PHACTR1: variants seen among roughly 807,000 people sequenced by gnomAD.
PHACTR1 encodes the protein phosphatase and actin regulator 1.
PHACTR1 carries 16 observed loss-of-function variants against 69.2 expected under a neutral mutation model. The ratio of observed to expected loss-of-function variants is 0.23; its 90% CI spans 0.16 to 0.35. PHACTR1 has a LOEUF of 0.35. Among genes scored for constraint, PHACTR1 ranks in the 10% least tolerant of loss-of-function variants. PHACTR1 has a pLI of 1.00. For synonymous variants in PHACTR1, 312 were observed against 284.5 expected (o/e 1.10, Z -0.97); for missense variants, 510 against 734.7 (o/e 0.69, Z 3.54).
chr6:13,017,125 G>A (rs1490683242), intron 4 of PHACTR1, among the ~76,000 whole-genome samples: 1 of 144,082 alleles, frequency 6.9e-6, no homozygotes, highest in Non-Finnish European at 1.5e-5. Flanking sequence ...GGTGGAGGTT[G>A]CAGTGAGCCA....
chr6:13,226,765 G>T (rs145227671), intron 8 of PHACTR1, among the ~76,000 whole-genome samples: 1 of 146,788 alleles, frequency 6.8e-6, no homozygotes, highest in East Asian at 2.0e-4. Context: ...TTGAGATGGA[G>T]TCTCGCTCTG....
rs528264268 is a variant in PHACTR1 at position 12,717,687 on chromosome 6, G to A, written c.-103G>A. ...ATTTAGCAAGATCAAAGACACTCTG[G>A]CTGGAACGGCTCTTGTTTTACCGCT... On this transcript the variant is annotated 5_prime_UTR_variant, in exon 2 of 15. Transcript: ENST00000332995. 6.6e-6 allele frequency: 1 copy of A among 152,124 alleles called. No homozygotes were observed. Among genetic ancestry groups the A allele is most frequent in the Non-Finnish European group, 1.5e-5 (1 of 68,036 alleles). The allele number at this position is 152,124 out of a possible 1,614,324, so 9.4% of individuals were successfully genotyped here. A position where few individuals can be genotyped will look rare whatever the true frequency, so the allele number is the denominator to read the frequency against.
intron 4 of PHACTR1, among the ~76,000 whole-genome samples, chr6:12,902,429 T>C (rs909336464): frequency 1.2e-4 from 18 of 152,164 alleles, no homozygotes; most frequent in African/African-American, 4.3e-4. Context: ...TCTCCAAAAA[T>C]AAAGAACCTA....
At chr6:12,819,088 T>C (rs1014394393) in intron 4 of PHACTR1, among the ~76,000 whole-genome samples, 1 of 152,204 alleles carries the variant, frequency 6.6e-6, no homozygotes. Flanking sequence ...CCATGAACAC[T>C]GGGCATTCCA....
At chr6:12,783,379 T>A (rs1771075911) in intron 4 of PHACTR1, among the ~76,000 whole-genome samples, 1 of 152,218 alleles carries the variant, frequency 6.6e-6, no homozygotes, top group African/African-American at 2.4e-5. Context: ...TGGTTCAAAG[T>A]ATAATAACAA....
At chr6:12,776,460 T>G (rs561431731) in intron 4 of PHACTR1, among the ~76,000 whole-genome samples, 1 of 152,322 alleles carries the variant, frequency 6.6e-6, no homozygotes, top group Admixed American at 6.5e-5. Flanking sequence ...CTGTCCCTGG[T>G]GATCTGAATG....
intron 4 of PHACTR1, among the ~76,000 whole-genome samples, chr6:12,799,127 A>G (rs1773420938): frequency 6.6e-6 from 1 of 152,206 alleles, no homozygotes; most frequent in Non-Finnish European, 1.5e-5. Context: ...GGGAAAATGA[A>G]TATCTATTTT....
chr6:12,891,469 T>C (rs1250811621), intron 4 of PHACTR1, among the ~76,000 whole-genome samples: 2 of 152,196 alleles, frequency 1.3e-5, no homozygotes, highest in Non-Finnish European at 1.5e-5. Context: ...TGCATTTTTA[T>C]CATGAGGAAA....
At chr6:13,199,373 G>A (rs1456939134) in intron 7 of PHACTR1, among the ~76,000 whole-genome samples, 1 of 104,180 alleles carries the variant, frequency 9.6e-6, no homozygotes, top group Non-Finnish European at 1.7e-5. Flanking sequence ...GACAAAGTGA[G>A]AGTCCATCTC....
intron 4 of PHACTR1, among the ~76,000 whole-genome samples, chr6:12,940,649 A>G (rs1183848902): frequency 1.3e-5 from 2 of 152,216 alleles, no homozygotes; most frequent in East Asian, 3.9e-4. Context: ...CATGTCCTAC[A>G]TACATCTCAT....
chr6:13,264,365 C>T (rs1776315891), intron 10 of PHACTR1, among the ~76,000 whole-genome samples: 1 of 150,462 alleles, frequency 6.6e-6, no homozygotes, highest in Admixed American at 6.6e-5. Flanking sequence ...TCTCCCTCCA[C>T]CCCCCACCAT....
At chr6:12,897,651 G>A (rs1016694338) in intron 4 of PHACTR1, among the ~76,000 whole-genome samples, 2 of 151,974 alleles carry the variant, frequency 1.3e-5, no homozygotes, top group Admixed American at 1.3e-4. Context: ...CAGCCAAAAT[G>A]ACTTATTGTG....
At chr6:13,048,533 T>TGC (rs1334770620) in intron 4 of PHACTR1, among the ~76,000 whole-genome samples, 1 of 151,592 alleles carries the variant, frequency 6.6e-6, no homozygotes, top group Non-Finnish European at 1.5e-5. Context: ...TGTGTGTGTG[T>TGC]GTGTGTGTGT....
chr6:12,807,638 T>C lies in PHACTR1; in HGVS notation c.250+57848T>C, dbSNP rs538588528. 1.6e-3 allele frequency among the ~76,000 whole-genome samples: 248 copies of C among 152,356 alleles called. 2 individuals are homozygous for C. Among genetic ancestry groups the C allele is most frequent in the African/African-American group, 5.8e-3 (242 of 41,584 alleles). On this transcript the variant is annotated intron_variant, in intron 4 of 14. Transcript: ENST00000332995. ...TCTTACAAAGAGCGGATAAGAACTC[T>C]GATCGACACTCTCATACCACCCAGT...
intron 4 of PHACTR1, among the ~76,000 whole-genome samples, chr6:12,951,778 A>G (rs1249295307): frequency 6.6e-6 from 1 of 152,210 alleles, no homozygotes; most frequent in African/African-American, 2.4e-5. Flanking sequence ...CCCTTTGGTA[A>G]TAGTTTTCTG....
At chr6:13,271,015 C>CT (rs142906501) in intron 10 of PHACTR1, among the ~76,000 whole-genome samples, 27,451 of 138,820 alleles carry the variant, frequency 0.2, 2,639 homozygotes, top group South Asian at 0.34. Flanking sequence ...TTTTTTTTTT[C>CT]TTTTTTTTTT....
chr6:12,792,840 C>CTTTT (rs58524663), intron 4 of PHACTR1, among the ~76,000 whole-genome samples: 5 of 120,402 alleles, frequency 4.2e-5, no homozygotes, highest in African/African-American at 6.2e-5. Context: ...TAAAGAGAAG[C>CTTTT]TTTTTTTTTT....
Position 13,133,445 on chromosome 6 carries a change from C to T in PHACTR1, c.416-26759C>T, listed in dbSNP as rs530093287. 1.4e-3 allele frequency among the ~76,000 whole-genome samples: 220 copies of T among 151,994 alleles called. 3 individuals are homozygous for T. In the South Asian group the frequency reaches 0.017, roughly 12 times the overall value. ...AGTCCCTGGGATTGCAGGCGCGCGCCGCCACACCTGACTGGTTTTCGTATT... is the reference window on the plus strand; with the variant it reads ...AGTCCCTGGGATTGCAGGCGCGCGCTGCCACACCTGACTGGTTTTCGTATT... On this transcript the variant is annotated intron_variant, in intron 5 of 14. Coordinates refer to ENST00000332995, the MANE Select transcript of PHACTR1 (RefSeq NM_030948.6).
chr6:12,933,457 C>T (rs1051332843), intron 4 of PHACTR1, among the ~76,000 whole-genome samples: 3 of 152,036 alleles, frequency 2.0e-5, no homozygotes, highest in African/African-American at 7.2e-5. Flanking sequence ...CATAAGGATC[C>T]AAATGACACC....
Sources: gnomAD v4.1 joint callset for allele counts (sites outside exome capture counted in the v4.1 genomes callset) on GRCh38, gnomAD v4.1.1 for gene constraint, MANE v1.5 for transcripts, NCBI Gene and HGNC (gene_info 2026-07-23, HGNC 2026-07-21) for gene names.